DCC: variants seen among roughly 807,000 people sequenced by gnomAD.
The protein encoded by DCC is netrin receptor DCC.
Under a neutral mutation model 172.5 loss-of-function variants are expected in DCC, and 58 were observed. The ratio of observed to expected loss-of-function variants is 0.34; its 90% confidence interval spans 0.27 to 0.42. DCC has a LOEUF of 0.42. DCC is among the 10% of genes least tolerant of loss of function. The pLI, the probability that DCC is intolerant of heterozygous loss-of-function variation, is 1.00. For synonymous variants in DCC, 709 were observed against 644.5 expected (o/e 1.10, Z -1.52); for missense variants, 1,740 against 1,791.0 (o/e 0.97, Z 0.51).
chr18:53,031,072 G>A (rs891406072), intron 5 of DCC, among the ~76,000 whole-genome samples: 2 of 151,972 alleles, frequency 1.3e-5, no homozygotes, highest in African/African-American at 4.8e-5. Flanking sequence ...CAGCCTGGCC[G>A]ACATGGTGAA....
intron 2 of DCC, among the ~76,000 whole-genome samples, chr18:52,840,527 A>G (rs774710673): frequency 6.6e-6 from 1 of 152,156 alleles, no homozygotes; most frequent in Non-Finnish European, 1.5e-5. Flanking sequence ...TATTTTTTTC[A>G]TGGATGGTCC....
chr18:53,370,030 C>G (rs754716857), intron 15 of DCC, among the ~76,000 whole-genome samples: 1 of 151,592 alleles, frequency 6.6e-6, no homozygotes, highest in Non-Finnish European at 1.5e-5. Flanking sequence ...TTAAAAAGAA[C>G]TGGTACTAAT....
intron 1 of DCC, among the ~76,000 whole-genome samples, chr18:52,365,522 T>TGG (rs35678588): frequency 0.02 from 3,090 of 151,732 alleles, 96 homozygotes; most frequent in African/African-American, 0.068. Flanking sequence ...GCCAATTGCT[T>TGG]GGGTGGGGTT....
intron 7 of DCC, among the ~76,000 whole-genome samples, chr18:53,075,364 G>A (rs761553723): frequency 6.6e-6 from 1 of 152,148 alleles, no homozygotes; most frequent in Non-Finnish European, 1.5e-5. Context: ...AGCCAGCTCA[G>A]TGCTAATCAA....
intron 2 of DCC, among the ~76,000 whole-genome samples, chr18:52,787,917 T>G (rs938385305): frequency 6.6e-6 from 1 of 152,142 alleles, no homozygotes; most frequent in Non-Finnish European, 1.5e-5. Flanking sequence ...ACCCCAATGT[T>G]TAATGAAACC....
chr18:52,814,611 G>A (rs1468135706), intron 2 of DCC, among the ~76,000 whole-genome samples: 1 of 152,152 alleles, frequency 6.6e-6, no homozygotes, highest in African/African-American at 2.4e-5. Context: ...AAAACATTTA[G>A]TATTTACTCA....
chr18:52,647,236 A>G (rs1370036900), intron 1 of DCC, among the ~76,000 whole-genome samples: 1 of 152,180 alleles, frequency 6.6e-6, no homozygotes, highest in African/African-American at 2.4e-5. Flanking sequence ...TCTCTTGGGA[A>G]TGTTGACTTT....
chr18:52,667,069 A>C (rs1328782140), intron 1 of DCC, among the ~76,000 whole-genome samples: 1 of 152,174 alleles, frequency 6.6e-6, no homozygotes, highest in Non-Finnish European at 1.5e-5. Context: ...GGGAGGGATT[A>C]CAGTTACAAG....
intron 3 of DCC, among the ~76,000 whole-genome samples, chr18:52,921,696 CAAAAAT>C (rs992578898): frequency 4.0e-4 from 52 of 131,402 alleles, no homozygotes; most frequent in African/African-American, 6.5e-4. Context: ...GGCTCCATCT[CAAAAAT>C]AAAAATAATA....
intron 1 of DCC, among the ~76,000 whole-genome samples, chr18:52,466,603 T>A (rs16955038): frequency 6.6e-6 from 1 of 152,174 alleles, no homozygotes; most frequent in African/African-American, 2.4e-5. Flanking sequence ...TGACCTTGAC[T>A]GAGCTCATAG....
intron 5 of DCC, among the ~76,000 whole-genome samples, chr18:52,939,171 C>T (rs187575463): frequency 2.2e-4 from 34 of 152,234 alleles, no homozygotes; most frequent in African/African-American, 8.2e-4. Flanking sequence ...CCTGCTTTCC[C>T]CTTATATGCA....
rs111476286 is a variant in DCC, at chr18:52,497,260, CAAA to C, written c.91+156401_91+156403del. 5.7e-3 allele frequency among the ~76,000 whole-genome samples: 305 copies of C among 53,910 alleles called. 17 individuals carry two copies. The highest frequency in any genetic ancestry group is 0.033 in the East Asian group (54 of 1,616). The allele number at this position is 53,910 out of a possible 152,430, so 35.4% of individuals were successfully genotyped here. ...TGGGTAACAGAGTGAGACCCTGTAT[CAAA>C]AAAAAAAAAAAAAAAAAATATATAT... is the stretch of plus-strand genomic sequence containing the variant. On this transcript the variant is annotated intron_variant, in intron 1 of 28. Coordinates refer to ENST00000442544, the MANE Select transcript of DCC (RefSeq NM_005215.4).
intron 1 of DCC, among the ~76,000 whole-genome samples, chr18:52,691,704 A>G (rs1229797777): frequency 1.3e-5 from 2 of 152,136 alleles, no homozygotes; most frequent in Non-Finnish European, 2.9e-5. Flanking sequence ...CTGTCTCCAA[A>G]TAAGTTTATA....
intron 5 of DCC, among the ~76,000 whole-genome samples, chr18:52,991,397 T>C (rs917279175): frequency 3.3e-5 from 5 of 152,208 alleles, no homozygotes; most frequent in Non-Finnish European, 5.9e-5. Context: ...CACACACTTA[T>C]TGGCAGATTG....
intron 15 of DCC, among the ~76,000 whole-genome samples, chr18:53,351,470 A>ATATATATATATATATATATAGTGTG (rs2057811570): frequency 2.8e-5 from 1 of 35,246 alleles, no homozygotes; most frequent in African/African-American, 1.3e-4. Context: ...CAGTGTGTAT[A>ATATATATATATATATATATAGTGTG]TATATATATA....
intron 11 of DCC, among the ~76,000 whole-genome samples, chr18:53,212,382 A>T (rs771169612): frequency 1.4e-4 from 22 of 152,190 alleles, no homozygotes; most frequent in African/African-American, 1.9e-4. Flanking sequence ...AGAACAATCG[A>T]TATGGATTCT....
chr18:52,940,935 G>A (rs2040452028), intron 5 of DCC: 1 of 152,230 alleles, frequency 6.6e-6, no homozygotes, highest in Admixed American at 6.5e-5. Context: ...GTTCTACTGA[G>A]TACATTCTGG....
At chr18:52,841,414 T>C (rs1295157146) in intron 2 of DCC, among the ~76,000 whole-genome samples, 1 of 152,162 alleles carries the variant, frequency 6.6e-6, no homozygotes, top group East Asian at 1.9e-4. Context: ...CTGAAACTTT[T>C]TAAACTAAAA....
At chr18:52,553,565 A>G (rs1417059222) in intron 1 of DCC, among the ~76,000 whole-genome samples, 3 of 152,040 alleles carry the variant, frequency 2.0e-5, no homozygotes, top group Non-Finnish European at 4.4e-5. Context: ...AGAGGCAGGC[A>G]CTGTGTGAAT....
Sources: gnomAD v4.1 joint callset for allele counts (sites outside exome capture counted in the v4.1 genomes callset) on GRCh38, gnomAD v4.1.1 for gene constraint, MANE v1.5 for transcripts, NCBI Gene and HGNC (gene_info 2026-07-23, HGNC 2026-07-21) for gene names.